The following DGKB variants were observed in gnomAD, a reference collection of about 807,000 sequenced individuals.
DGKB encodes the protein diacylglycerol kinase beta.
In DGKB, 67 loss-of-function variants were observed where a neutral mutation model predicts 114.3. That is an observed-to-expected ratio of 0.59 (90% CI 0.48 to 0.72). DGKB has a LOEUF of 0.72. Among genes scored for constraint, DGKB ranks in the 30% least tolerant of loss-of-function variants. The pLI is 0.00. For missense variants in DGKB, 907 were observed against 975.2 expected, an observed-to-expected ratio of 0.93 and a Z score of 0.93; for synonymous variants, 398 against 323.1, an observed-to-expected ratio of 1.23 and a Z score of -2.49.
At chr7:14,458,018 G>A (rs938528797) in intron 21 of DGKB, among the ~76,000 whole-genome samples, 1 of 152,128 alleles carries the variant, frequency 6.6e-6, no homozygotes, top group Non-Finnish European at 1.5e-5. Flanking sequence ...GTGGGCTAGC[G>A]CCCTCTGCTG....
At chr7:14,522,221 A>G (rs541958713) in intron 20 of DGKB, among the ~76,000 whole-genome samples, 1 of 152,224 alleles carries the variant, frequency 6.6e-6, no homozygotes, top group Non-Finnish European at 1.5e-5. Flanking sequence ...CCAGGCTTTT[A>G]CTTTACATAA....
At chr7:14,909,514 T>A (rs893226901) in intron 1 of DGKB, among the ~76,000 whole-genome samples, 4 of 152,006 alleles carry the variant, frequency 2.6e-5, no homozygotes, top group Non-Finnish European at 4.4e-5. Context: ...GAAAAAAAAA[T>A]GTTTTTCATT....
intron 13 of DGKB, among the ~76,000 whole-genome samples, chr7:14,631,075 C>T (rs1434862018): frequency 6.6e-6 from 1 of 151,218 alleles, no homozygotes; most frequent in African/African-American, 2.4e-5. Context: ...GGATGGGATG[C>T]CAGTTCTTAG....
chr7:14,830,495 A>G (rs1421181315), intron 2 of DGKB, among the ~76,000 whole-genome samples: 1 of 152,142 alleles, frequency 6.6e-6, no homozygotes, highest in Non-Finnish European at 1.5e-5. Flanking sequence ...TCAAAGTCAA[A>G]GCTGTAGTTA....
At chr7:14,561,062 C>A (rs998086014) in intron 20 of DGKB, among the ~76,000 whole-genome samples, 1 of 152,120 alleles carries the variant, frequency 6.6e-6, no homozygotes, top group Non-Finnish European at 1.5e-5. Flanking sequence ...GCTGTGTCCC[C>A]ATCCAAATCT....
chr7:14,696,739 G>A (rs1824005157), intron 8 of DGKB, among the ~76,000 whole-genome samples: 1 of 152,092 alleles, frequency 6.6e-6, no homozygotes, highest in Admixed American at 6.5e-5. Context: ...TTAAATACAT[G>A]TTACCATCTA....
intron 20 of DGKB, among the ~76,000 whole-genome samples, chr7:14,568,215 A>G (rs1797885023): frequency 6.6e-6 from 1 of 152,162 alleles, no homozygotes; most frequent in Admixed American, 6.6e-5. Flanking sequence ...AAGGTACTAA[A>G]TAAATATGCT....
intron 2 of DGKB, among the ~76,000 whole-genome samples, chr7:14,772,744 A>C (rs1234209854): frequency 6.6e-6 from 1 of 152,116 alleles, no homozygotes; most frequent in Non-Finnish European, 1.5e-5. Flanking sequence ...GCATCAGCTG[A>C]TAGTTGAGGA....
chr7:14,595,915 G>A (rs914852500), intron 17 of DGKB, among the ~76,000 whole-genome samples: 5 of 151,986 alleles, frequency 3.3e-5, no homozygotes, highest in Non-Finnish European at 7.4e-5. Flanking sequence ...TGTTAAATAC[G>A]TGAAAATCAA....
Position 14,351,378 on chromosome 7 carries a change from A to G in DGKB, c.1836-5987T>C, listed in dbSNP as rs76083604. ...TTCAGGGAGAGAAAAGCACTCCCAG[A>G]GTAGCTGCAGCAGACAGAATGTTGG... is the stretch of plus-strand genomic sequence containing the variant. On this transcript the variant is annotated intron_variant, in intron 21 of 25. Coordinates refer to ENST00000402815, the MANE Select transcript of DGKB (RefSeq NM_001350709.2). 6.4e-3 allele frequency among the ~76,000 whole-genome samples: 976 copies of G among 152,342 alleles called. 11 individuals are homozygous for G. Among genetic ancestry groups the G allele is most frequent in the African/African-American group, 0.022 (898 of 41,576 alleles).
intron 20 of DGKB, among the ~76,000 whole-genome samples, chr7:14,519,402 A>G (rs1177528182): frequency 2.6e-5 from 4 of 152,110 alleles, no homozygotes; most frequent in East Asian, 3.9e-4. Context: ...AGGTTCTACC[A>G]TGTTATAGCA....
intron 25 of DGKB, 147 bp from the exon 26 acceptor site, chr7:14,149,385 CTAT>C: frequency 1.7e-6 from 1 of 599,296 alleles, no homozygotes; most frequent in Non-Finnish European, 2.8e-6. Context: ...TTCAGAGTTT[CTAT>C]TATTTCAAAA....
At chr7:14,163,709 C>T (rs1446367047) in intron 25 of DGKB, among the ~76,000 whole-genome samples, 1 of 152,070 alleles carries the variant, frequency 6.6e-6, no homozygotes, top group East Asian at 1.9e-4. Context: ...AAATAACAAA[C>T]TGGCCAGGCA....
chr7:14,374,044 C>G (rs1818103831), intron 21 of DGKB, among the ~76,000 whole-genome samples: 1 of 152,018 alleles, frequency 6.6e-6, no homozygotes, highest in Admixed American at 6.6e-5. Context: ...CTCATGCTCT[C>G]CTCTTCTCTT....
At chr7:14,657,526 G>T (rs1023439198) in intron 13 of DGKB, among the ~76,000 whole-genome samples, 3 of 151,814 alleles carry the variant, frequency 2.0e-5, no homozygotes, top group African/African-American at 7.3e-5. Context: ...ACGTTGCATA[G>T]GCACAAACCT....
At chr7:14,689,003 G>T (rs1359155945) in intron 9 of DGKB, among the ~76,000 whole-genome samples, 2 of 151,750 alleles carry the variant, frequency 1.3e-5, no homozygotes, top group Admixed American at 1.3e-4. Context: ...AAATTTCATT[G>T]ATGTCCTAAC....
intron 23 of DGKB, among the ~76,000 whole-genome samples, chr7:14,197,009 C>T (rs1382343744): frequency 1.3e-5 from 2 of 152,072 alleles, no homozygotes; most frequent in Admixed American, 6.6e-5. Context: ...TGAAAAGTAT[C>T]ATCACCTCTA....
chr7:14,260,158 G>T (rs1052214365), intron 23 of DGKB, among the ~76,000 whole-genome samples: 1 of 151,550 alleles, frequency 6.6e-6, no homozygotes, highest in African/African-American at 2.4e-5. Flanking sequence ...GCTTAGGAAA[G>T]AAATCCATCA....
In DGKB at chr7:14,358,770, G is replaced by C. The variant is rs186006745; in HGVS notation, c.1836-13379C>G. Among the ~76,000 whole-genome samples, 1,269 of 152,166 alleles carry C rather than the reference G, an allele frequency of 8.3e-3. 19 individuals are homozygous for C. Among genetic ancestry groups the C allele is most frequent in the African/African-American group, 0.029 (1,203 of 41,496 alleles). ...GGGATGGGAAGGACCTCTTCAAGGA[G>C]AACTACAAACCGCTGTTCAATGAAA... On this transcript the variant is annotated intron_variant, in intron 21 of 25. Transcript: ENST00000402815.
Sources: allele counts gnomAD v4.1 joint callset (sites outside exome capture counted in the v4.1 genomes callset), GRCh38; gene constraint gnomAD v4.1.1; transcripts MANE v1.5; gene names NCBI Gene and HGNC (gene_info 2026-07-23, HGNC 2026-07-21).